PRR16: variants seen among roughly 807,000 people sequenced by gnomAD.
The protein encoded by PRR16 is proline rich 16.
Under a neutral mutation model 18.2 loss-of-function variants are expected in PRR16, and 6 were observed. The ratio of observed to expected loss-of-function variants is 0.33; its 90% CI spans 0.18 to 0.65. PRR16 has a LOEUF of 0.65. Among genes scored for constraint, PRR16 ranks in the 30% least tolerant of loss-of-function variants. The pLI is 0.74. For missense variants in PRR16, 412 were observed against 376.6 expected, an observed-to-expected ratio of 1.09 and a Z score of -0.78; for synonymous variants, 151 against 147.8, an observed-to-expected ratio of 1.02 and a Z score of -0.16.
At chr5:120,657,971 A>T (rs1444035670) in intron 1 of PRR16, 1 of 151,952 alleles carries the variant, frequency 6.6e-6, no homozygotes, top group Non-Finnish European at 1.5e-5. Flanking sequence ...TCCCAATACC[A>T]ACCATTGTTT....
chr5:120,596,029 A>G (rs1158154283), intron 1 of PRR16, among the ~76,000 whole-genome samples: 1 of 151,938 alleles, frequency 6.6e-6, no homozygotes, highest in Non-Finnish European at 1.5e-5. Flanking sequence ...TATCATAACT[A>G]AAGATGGGAA....
At chr5:120,745,792 G>A in the PRR16 span, among the ~76,000 whole-genome samples, 119 of 151,406 alleles carry the variant, frequency 7.9e-4, no homozygotes, top group African/African-American at 2.5e-3. Flanking sequence ...TCCTCCTCCC[G>A]TGTTCAAGTG....
chr5:120,778,817 G>A, the PRR16 span, among the ~76,000 whole-genome samples: 15 of 152,242 alleles, frequency 9.9e-5, no homozygotes, highest in African/African-American at 3.6e-4. Flanking sequence ...AAAGAAGTGG[G>A]GTTTTGTAAA....
the PRR16 span, among the ~76,000 whole-genome samples, chr5:120,711,888 G>T: frequency 6.6e-6 from 1 of 152,158 alleles, no homozygotes; most frequent in African/African-American, 2.4e-5. Flanking sequence ...TGTCTCTATG[G>T]AGCCCCTCCC....
At chr5:120,610,532 A>G (rs1469715875) in intron 1 of PRR16, among the ~76,000 whole-genome samples, 1 of 152,074 alleles carries the variant, frequency 6.6e-6, no homozygotes, top group African/African-American at 2.4e-5. Context: ...GAGGTAATTG[A>G]ATCACGGGGG....
the PRR16 span, among the ~76,000 whole-genome samples, chr5:120,781,891 CTTATT>C: frequency 8.5e-3 from 1,284 of 151,866 alleles, 17 homozygotes; most frequent in African/African-American, 0.029. Flanking sequence ...AAATTATGTC[CTTATT>C]TTAAAGGGAA....
intron 1 of PRR16, among the ~76,000 whole-genome samples, chr5:120,675,408 A>G (rs532165296): frequency 2.8e-4 from 43 of 151,892 alleles, no homozygotes; most frequent in African/African-American, 8.7e-4. Flanking sequence ...ATTAGACACA[A>G]TGTGTTCTTG....
chr5:120,758,901 T>G, the PRR16 span, among the ~76,000 whole-genome samples: 1 of 152,082 alleles, frequency 6.6e-6, no homozygotes, highest in Admixed American at 6.6e-5. Flanking sequence ...TATTTCCTTT[T>G]GAACATTCTT....
At chr5:120,473,213 GTATATT>G (rs1749326926) in intron 1 of PRR16, among the ~76,000 whole-genome samples, 1 of 152,124 alleles carries the variant, frequency 6.6e-6, no homozygotes, top group Non-Finnish European at 1.5e-5. Context: ...AATATCAGAG[GTATATT>G]TATGTTTATC....
chr5:120,518,000 A>C (rs1051680162), intron 1 of PRR16, among the ~76,000 whole-genome samples: 1 of 152,196 alleles, frequency 6.6e-6, no homozygotes, highest in Non-Finnish European at 1.5e-5. Context: ...TTGTGTCACT[A>C]TAATGATGGA....
At chr5:120,643,091 A>G (rs1727212957) in intron 1 of PRR16, among the ~76,000 whole-genome samples, 1 of 152,096 alleles carries the variant, frequency 6.6e-6, no homozygotes, top group African/African-American at 2.4e-5. Context: ...TATTTGACAT[A>G]GTGATATGGG....
intron 1 of PRR16, among the ~76,000 whole-genome samples, chr5:120,508,981 T>A (rs1288904538): frequency 6.6e-6 from 1 of 152,100 alleles, no homozygotes; most frequent in African/African-American, 2.4e-5. Flanking sequence ...ATAGTAAAGA[T>A]AATTTGCTTA....
chr5:120,787,347 G>A, the PRR16 span, among the ~76,000 whole-genome samples: 2 of 151,964 alleles, frequency 1.3e-5, no homozygotes, highest in East Asian at 3.9e-4. Flanking sequence ...GATCAAATGT[G>A]GTATCTCATA....
chr5:120,757,696 T>A, the PRR16 span, among the ~76,000 whole-genome samples: 1 of 152,084 alleles, frequency 6.6e-6, no homozygotes, highest in Admixed American at 6.6e-5. Flanking sequence ...AATAAAGTAA[T>A]AATTATAGAT....
At chr5:120,487,127 C>T (rs559143721) in intron 1 of PRR16, among the ~76,000 whole-genome samples, 7 of 152,284 alleles carry the variant, frequency 4.6e-5, no homozygotes, top group East Asian at 1.9e-4. Context: ...CTTGGCAATG[C>T]GTGCTCTTTT....
chr5:120,622,024 C>T (rs983166779), intron 1 of PRR16, among the ~76,000 whole-genome samples: 1 of 152,248 alleles, frequency 6.6e-6, no homozygotes, highest in East Asian at 1.9e-4. Context: ...GAGCATTAGC[C>T]GTTCATGTGC....
chr5:120,512,811 G>A (rs1324875681), intron 1 of PRR16, among the ~76,000 whole-genome samples: 2 of 152,070 alleles, frequency 1.3e-5, no homozygotes, highest in Non-Finnish European at 1.5e-5. Context: ...TTACTGGGGA[G>A]GGAAAGCAAG....
chr5:120,547,138 A>T (rs993269309), intron 1 of PRR16, among the ~76,000 whole-genome samples: 8 of 151,908 alleles, frequency 5.3e-5, no homozygotes, highest in Non-Finnish European at 1.0e-4. Context: ...GCAACTAGAG[A>T]TTCCTTTTGT....
chr5:120,773,309 C>G, the PRR16 span, among the ~76,000 whole-genome samples: 11 of 152,144 alleles, frequency 7.2e-5, no homozygotes, highest in African/African-American at 2.7e-4. Flanking sequence ...CATATGGCAG[C>G]TCTGGTCTGC....
Sources: allele counts gnomAD v4.1 joint callset (sites outside exome capture counted in the v4.1 genomes callset), GRCh38; gene constraint gnomAD v4.1.1; transcripts MANE v1.5; gene names NCBI Gene and HGNC (gene_info 2026-07-23, HGNC 2026-07-21).